CELF2: variants seen among roughly 807,000 people sequenced by gnomAD.
The protein encoded by CELF2 is CUGBP Elav-like family member 2.
A neutral mutation model predicts 62.6 loss-of-function variants in CELF2; 8 were observed. That is an observed-to-expected ratio of 0.13 (90% CI 0.07 to 0.23). CELF2 has a LOEUF of 0.23. Ranked by LOEUF, CELF2 falls within the 10% of genes least tolerant of loss-of-function variation. The pLI is 1.00. For missense variants in CELF2, 333 were observed against 671.0 expected (o/e 0.50, Z 5.56); for synonymous variants, 258 against 250.0 (o/e 1.03, Z -0.30).
chr10:10,595,229 AG>A, the CELF2 span, among the ~76,000 whole-genome samples: 1 of 152,358 alleles, frequency 6.6e-6, no homozygotes, highest in African/African-American at 2.4e-5. Flanking sequence ...AGCCTCTTAA[AG>A]GTGATCCATG....
chr10:11,234,792 A>G (rs2070489357), intron 3 of CELF2, among the ~76,000 whole-genome samples: 1 of 152,076 alleles, frequency 6.6e-6, no homozygotes, highest in Admixed American at 6.5e-5. Context: ...TCCATCAGGT[A>G]GATCCGCCCT....
the CELF2 span, among the ~76,000 whole-genome samples, chr10:10,558,697 T>G: frequency 6.6e-6 from 1 of 152,186 alleles, no homozygotes; most frequent in South Asian, 2.1e-4. Flanking sequence ...CTATTGATTA[T>G]TGCCACAATT....
At chr10:10,729,225 A>G in the CELF2 span, among the ~76,000 whole-genome samples, 1 of 152,246 alleles carries the variant, frequency 6.6e-6, no homozygotes, top group Non-Finnish European at 1.5e-5. Context: ...AGATGTTCTC[A>G]GACCTTAGCT....
Position 11,269,723 on chromosome 10 carries a change from G to A in CELF2, c.619-943G>A, listed in dbSNP as rs373771729. On this transcript the variant is annotated intron_variant, in intron 6 of 12. Transcript: ENST00000633077. This position sits in a 1 kb window ranked among gnomAD's most constrained non-coding sequence, Gnocchi z 4.4. ...TTACCAAGTGGCAAATGTTGCAAAGGTGCTTTGGAAAGGAGGTCTTCGTGC... is the reference window on the plus strand; with the variant it reads ...TTACCAAGTGGCAAATGTTGCAAAGATGCTTTGGAAAGGAGGTCTTCGTGC... 8.5e-5 allele frequency among the ~76,000 whole-genome samples: 13 copies of A among 152,304 alleles called. No homozygotes were observed. In the East Asian group the frequency reaches 1.5e-3, roughly 18 times the overall value.
At chr10:10,643,910 C>A in the CELF2 span, among the ~76,000 whole-genome samples, 1 of 152,158 alleles carries the variant, frequency 6.6e-6, no homozygotes, top group South Asian at 2.1e-4. Context: ...TAAATCGTAA[C>A]CCATTAAATT....
At chr10:10,935,923 A>T (rs1217229539) in intron 2 of CELF2, among the ~76,000 whole-genome samples, 1 of 151,934 alleles carries the variant, frequency 6.6e-6, no homozygotes, top group African/African-American at 2.4e-5. Flanking sequence ...AGGCCAAGGC[A>T]GGTGGATCAC....
At chr10:10,878,452 G>T (rs543869794) in intron 1 of CELF2, among the ~76,000 whole-genome samples, 63 of 152,246 alleles carry the variant, frequency 4.1e-4, no homozygotes, top group African/African-American at 1.3e-3. Flanking sequence ...TTTAACCCGC[G>T]CTTCTGTGCC....
chr10:10,835,783 C>T (rs551131189), intron 1 of CELF2, among the ~76,000 whole-genome samples: 1 of 152,306 alleles, frequency 6.6e-6, no homozygotes, highest in Non-Finnish European at 1.5e-5. Flanking sequence ...CTCTGGATTT[C>T]ATGATTTCAT....
At chr10:11,325,014 C>T (rs577258932) in intron 11 of CELF2, among the ~76,000 whole-genome samples, 1 of 152,270 alleles carries the variant, frequency 6.6e-6, no homozygotes, top group Admixed American at 6.5e-5. Context: ...TCACATGGTG[C>T]TCATATGGGT....
chr10:11,273,230 A>T (rs1360207266), intron 7 of CELF2, among the ~76,000 whole-genome samples: 3 of 152,080 alleles, frequency 2.0e-5, no homozygotes, highest in Admixed American at 2.0e-4. Flanking sequence ...GCTGGGTACC[A>T]GTACCGGTCC....
Position 10,983,897 on chromosome 10 carries a change from T to C in CELF2, c.89+63898T>C, listed in dbSNP as rs1409491313. On this transcript the variant is annotated intron_variant, in intron 2 of 13. Coordinates refer to the CELF2 transcript ENST00000636488. The surrounding 1 kb of genome is among the most constrained non-coding windows in gnomAD (Gnocchi z 5.2). ...CTGTTATTAATGTAGGTTTTGAAGC[T>C]TGCCCTCGAGGATTTAAAAGACAGC... Among the ~76,000 whole-genome samples the C allele has an allele frequency of 1.3e-5, 2 of 152,186 alleles. No homozygotes were observed. The highest frequency in any genetic ancestry group is 2.9e-5 in the Non-Finnish European group (2 of 68,040).
rs1234904874 is a variant in CELF2, at chr10:11,217,920, A to G, written c.354+413A>G. On this transcript the variant is annotated intron_variant, in intron 3 of 12. Coordinates refer to ENST00000633077, the MANE Select transcript of CELF2 (RefSeq NM_001326342.2). This position sits in a 1 kb window ranked among gnomAD's most constrained non-coding sequence, Gnocchi z 5.6. ...ATTTTCTTTTGAAAGGACAAAATGT[A>G]CCCTTTACAGCCATAATATTAAGCC... 6.6e-6 allele frequency among the ~76,000 whole-genome samples: 1 copy of G among 152,352 alleles called. No individual in the cohort carries two copies. Among genetic ancestry groups the G allele is most frequent in the Admixed American group, 6.5e-5 (1 of 15,310 alleles).
At chr10:11,187,197 G>A (rs534088375) in intron 2 of CELF2, among the ~76,000 whole-genome samples, 12 of 152,232 alleles carry the variant, frequency 7.9e-5, no homozygotes, top group Non-Finnish European at 1.5e-4. Flanking sequence ...TTTGCCTTAT[G>A]TATTTTGAAG....
At chr10:10,743,799 G>T in the CELF2 span, among the ~76,000 whole-genome samples, 1 of 152,104 alleles carries the variant, frequency 6.6e-6, no homozygotes, top group Non-Finnish European at 1.5e-5. Flanking sequence ...AACTCTTAAA[G>T]ACACTACTTT....
intron 1 of CELF2, among the ~76,000 whole-genome samples, chr10:10,908,357 C>G (rs12764133): frequency 0.48 from 72,429 of 150,780 alleles, 18,490 homozygotes; most frequent in South Asian, 0.59. Context: ...GTAGCTGGGA[C>G]TACAGGCGCC....
chr10:10,691,219 A>C, the CELF2 span, among the ~76,000 whole-genome samples: 1 of 148,498 alleles, frequency 6.7e-6, no homozygotes, highest in South Asian at 2.1e-4. Context: ...ATGTGATCTC[A>C]TTGTTCAATT....
intron 1 of CELF2, among the ~76,000 whole-genome samples, chr10:10,820,394 C>T (rs1359615542): frequency 1.3e-5 from 2 of 152,190 alleles, no homozygotes; most frequent in Non-Finnish European, 2.9e-5. Flanking sequence ...TGATCAATGA[C>T]TTCCACCATC....
chr10:11,126,153 A>T (rs1190478718), intron 1 of CELF2, among the ~76,000 whole-genome samples: 1 of 152,198 alleles, frequency 6.6e-6, no homozygotes, highest in African/African-American at 2.4e-5. Context: ...ATTTACGATG[A>T]TTAATGTTTT....
chr10:11,014,123 C>T (rs1193859446), upstream of CELF2, among the ~76,000 whole-genome samples: 2 of 152,118 alleles, frequency 1.3e-5, no homozygotes, highest in African/African-American at 2.4e-5. Flanking sequence ...TTGCTGTTAA[C>T]TAAAACAGCT....
Sources: allele counts gnomAD v4.1 joint callset (sites outside exome capture counted in the v4.1 genomes callset), GRCh38; gene constraint gnomAD v4.1.1; non-coding constraint Gnocchi (gnomAD v3.1); transcripts MANE v1.5; gene names NCBI Gene and HGNC (gene_info 2026-07-23, HGNC 2026-07-21).